The following TBCK variants were observed in gnomAD, a reference collection of about 807,000 sequenced individuals.
The protein encoded by TBCK is TBC1 domain containing kinase, also known as TBC domain-containing protein kinase-like protein.
TBCK carries 99 observed loss-of-function variants against 113.4 expected under a neutral mutation model. That is an observed-to-expected ratio of 0.87 (90% CI 0.74 to 1.03). The LOEUF is 1.03. TBCK is among the 50% of genes least tolerant of loss of function. The probability of loss-of-function intolerance (pLI) is 0.00; values close to 1 mark genes in which losing one functional copy is unlikely to be tolerated. For synonymous variants in TBCK, 369 were observed against 370.8 expected (o/e 1.00, Z 0.05); for missense variants, 1,045 against 1,061.3 (o/e 0.98, Z 0.21).
At chr4:106,068,863 T>C (rs560693714) in intron 25 of TBCK, among the ~76,000 whole-genome samples, 4 of 152,336 alleles carry the variant, frequency 2.6e-5, no homozygotes, top group Middle Eastern at 3.4e-3. Context: ...TGGTATCTCA[T>C]TGTGGTTTTG....
intron 25 of TBCK, among the ~76,000 whole-genome samples, chr4:106,077,295 T>C (rs1276433410): frequency 6.6e-6 from 1 of 152,188 alleles, no homozygotes; most frequent in African/African-American, 2.4e-5. Context: ...AAAAGCGTGA[T>C]GATAAGACCA....
chr4:106,295,499 A>C (rs879879395), intron 2 of TBCK, among the ~76,000 whole-genome samples: 10 of 152,230 alleles, frequency 6.6e-5, no homozygotes, highest in Admixed American at 4.6e-4. Flanking sequence ...GATTAGATGA[A>C]TATATAAAGA....
chr4:106,193,478 A>G, intron 22 of TBCK, 131 bp downstream of exon 22: 1 of 857,444 alleles, frequency 1.2e-6, no homozygotes, highest in Non-Finnish European at 1.8e-6. Flanking sequence ...GAAAGAATCC[A>G]GAGAGGATGA....
At chr4:106,195,166 A>G (rs1754073012) in intron 20 of TBCK, among the ~76,000 whole-genome samples, 1 of 152,144 alleles carries the variant, frequency 6.6e-6, no homozygotes, top group African/African-American at 2.4e-5. Context: ...TCTTTCCTCA[A>G]TTAAACTCTG....
chr4:106,256,113 G>A lies in TBCK; in HGVS notation c.456-4106C>T, dbSNP rs577439937. ...TGGTCCTCAGAGGGAAGAAGTGCAC[G>A]TCCATTGGTCCATGGGCGGCCATGG... On this transcript the variant is annotated intron_variant, in intron 5 of 25. Transcript: ENST00000394708. 3.6e-4 allele frequency among the ~76,000 whole-genome samples: 55 copies of A among 152,258 alleles called. 2 individuals are homozygous for A. The South Asian group carries it at 9.9e-3, about 28-fold the overall frequency.
At chr4:106,227,631 G>T (rs1014766311) in intron 19 of TBCK, among the ~76,000 whole-genome samples, 2 of 151,760 alleles carry the variant, frequency 1.3e-5, no homozygotes, top group African/African-American at 4.8e-5. Context: ...AAACCATAAT[G>T]ATATATATAA....
chr4:106,059,377 A>G (rs1735784382), intron 25 of TBCK, among the ~76,000 whole-genome samples: 1 of 151,770 alleles, frequency 6.6e-6, no homozygotes, highest in African/African-American at 2.4e-5. Flanking sequence ...CATTTTTACA[A>G]TAGCATGTGC....
intron 23 of TBCK, among the ~76,000 whole-genome samples, chr4:106,132,952 G>A (rs1356106995): frequency 6.6e-6 from 1 of 152,188 alleles, no homozygotes; most frequent in African/African-American, 2.4e-5. Flanking sequence ...TGACTAACTT[G>A]CTTTTGATTT....
intron 25 of TBCK, among the ~76,000 whole-genome samples, chr4:106,049,264 A>G (rs1167999424): frequency 6.6e-6 from 1 of 152,076 alleles, no homozygotes; most frequent in Non-Finnish European, 1.5e-5. Context: ...GGGAGATAGT[A>G]TTAGACAATT....
intron 3 of TBCK, among the ~76,000 whole-genome samples, chr4:106,290,274 T>G (rs1487864794): frequency 2.6e-5 from 4 of 152,078 alleles, no homozygotes; most frequent in African/African-American, 9.7e-5. Flanking sequence ...GCCTCCCGGG[T>G]TCACGCCATT....
At chr4:106,255,145 C>A in intron 5 of TBCK, 1 of 166,364 alleles carries the variant, frequency 6.0e-6, no homozygotes, top group South Asian at 1.2e-4. Flanking sequence ...CATGATATCT[C>A]CATATTTATT....
chr4:106,156,836 A>C (rs1749184344), intron 23 of TBCK, among the ~76,000 whole-genome samples: 3 of 152,120 alleles, frequency 2.0e-5, no homozygotes, highest in Admixed American at 6.5e-5. Flanking sequence ...GGGCCACAAG[A>C]GCCTGCTTGG....
At chr4:106,147,723 T>C (rs1223095779) in intron 23 of TBCK, among the ~76,000 whole-genome samples, 1 of 152,136 alleles carries the variant, frequency 6.6e-6, no homozygotes, top group African/African-American at 2.4e-5. Context: ...TTGCATTAAC[T>C]GCATAAATTG....
At chr4:106,080,200 C>CAA (rs113225137) in intron 25 of TBCK, among the ~76,000 whole-genome samples, 16 of 140,412 alleles carry the variant, frequency 1.1e-4, no homozygotes, top group Admixed American at 3.6e-4. Flanking sequence ...TGGCATGAAC[C>CAA]AAAAAAAAAA....
chr4:106,094,376 G>T (rs953591968), intron 25 of TBCK, among the ~76,000 whole-genome samples: 9 of 151,998 alleles, frequency 5.9e-5, no homozygotes, highest in Non-Finnish European at 8.8e-5. Context: ...TGCCTCCCAG[G>T]TGGTAAAATC....
At chr4:106,121,773 T>C (rs1203136387) in intron 23 of TBCK, among the ~76,000 whole-genome samples, 1 of 152,198 alleles carries the variant, frequency 6.6e-6, no homozygotes, top group Non-Finnish European at 1.5e-5. Context: ...CCTGAATGAC[T>C]ACTGGATACA....
At position 106,164,935 on chromosome 4, in the gene TBCK, T is replaced by C. The variant is rs531696440; in HGVS notation, c.2235+6160A>G. On this transcript the variant is annotated intron_variant, in intron 23 of 25. Coordinates refer to ENST00000394708, the MANE Select transcript of TBCK (RefSeq NM_001163435.3). ...AAACTGAAGGTAATGCAATAAATGC[T>C]ATCATTTTTATGGTAATAGTATATA... Among the ~76,000 whole-genome samples the C allele has an allele frequency of 2.6e-5, 4 of 151,906 alleles. No homozygotes were observed. The East Asian group carries it at 7.7e-4, about 29-fold the overall frequency.
At chr4:106,082,153 A>G (rs958799882) in intron 25 of TBCK, among the ~76,000 whole-genome samples, 1 of 152,242 alleles carries the variant, frequency 6.6e-6, no homozygotes, top group African/African-American at 2.4e-5. Context: ...GCATGTGGAT[A>G]TATATTGTAG....
At chr4:106,265,920 A>G (rs1213753294) in intron 3 of TBCK, among the ~76,000 whole-genome samples, 5 of 151,836 alleles carry the variant, frequency 3.3e-5, no homozygotes, top group Non-Finnish European at 7.4e-5. Context: ...ACTATTTATA[A>G]AGAATGCTAT....
Sources: gnomAD v4.1 joint callset for allele counts (sites outside exome capture counted in the v4.1 genomes callset) on GRCh38, gnomAD v4.1.1 for gene constraint, MANE v1.5 for transcripts, NCBI Gene and HGNC (gene_info 2026-07-23, HGNC 2026-07-21) for gene names.